Variants in HDAC9 observed in about 807,000 individuals in gnomAD.
HDAC9 encodes the protein MEF-2 interacting transcription repressor (MITR) protein.
HDAC9 carries 41 observed loss-of-function variants against 139.4 expected under a neutral mutation model. That is an observed-to-expected ratio of 0.29 (90% confidence interval 0.23 to 0.38). HDAC9 has a LOEUF of 0.38. Ranked by LOEUF, HDAC9 falls within the 10% of genes least tolerant of loss-of-function variation. The probability of loss-of-function intolerance (pLI) is 1.00; values close to 1 mark genes in which losing one functional copy is unlikely to be tolerated. For missense variants in HDAC9, 1,147 were observed against 1,297.0 expected (o/e 0.88, Z 1.78); for synonymous variants, 517 against 476.2 (o/e 1.09, Z -1.12).
intron 9 of HDAC9, among the ~76,000 whole-genome samples, chr7:18,647,315 G>T (rs1584554304): frequency 6.6e-6 from 1 of 152,064 alleles, no homozygotes; most frequent in Admixed American, 6.6e-5. Context: ...ACAACATAAT[G>T]ATTTGACATA....
At chr7:18,980,289 A>G (rs911444829) in intron 25 of HDAC9, among the ~76,000 whole-genome samples, 1 of 152,340 alleles carries the variant, frequency 6.6e-6, no homozygotes, top group Non-Finnish European at 1.5e-5. Flanking sequence ...CTTTGAAAAA[A>G]GAAACAAAAT....
At chr7:18,551,178 A>G (rs1209001525) in intron 2 of HDAC9, among the ~76,000 whole-genome samples, 1 of 152,178 alleles carries the variant, frequency 6.6e-6, no homozygotes, top group Non-Finnish European at 1.5e-5. Flanking sequence ...GTTGCCAACA[A>G]CCAATATGGA....
Position 18,443,376 on chromosome 7 carries a change from T to C in HDAC9, c.-41-52886T>C, listed in dbSNP as rs906103515. Among the ~76,000 whole-genome samples, 7 of 152,194 alleles carry C rather than the reference T, an allele frequency of 4.6e-5. 1 individual carries two copies. The highest frequency in any genetic ancestry group is 1.7e-4 in the African/African-American group (7 of 41,456). On this transcript the variant is annotated intron_variant, in intron 1 of 3. Transcript: ENST00000413509. ...AAAGAAGACCAATGGGTAAGTAGTCTCACCTCTCTTGTAAATACCAGATTG... is the reference window on the plus strand; with the variant it reads ...AAAGAAGACCAATGGGTAAGTAGTCCCACCTCTCTTGTAAATACCAGATTG...
chr7:18,590,501 G>A lies in HDAC9; in HGVS notation c.415+15G>A. On this transcript the variant is annotated intron_variant, in intron 4 of 25. Coordinates refer to ENST00000686413, the MANE Select transcript of HDAC9 (RefSeq NM_178425.4). ...AGGACGAGAAAGTAAGAGGCACCAG[G>A]GTAAACGATGGACTCTCTTTCCTCA... 4.4e-6 allele frequency: 7 copies of A among 1,582,996 alleles called. No individual in the cohort carries two copies. Among genetic ancestry groups the A allele is most frequent in the Non-Finnish European group, 6.0e-6 (7 of 1,164,340 alleles).
At chr7:18,285,454 A>G (rs964966895), upstream of HDAC9, among the ~76,000 whole-genome samples, 2 of 152,048 alleles carry the variant, frequency 1.3e-5, no homozygotes, top group African/African-American at 4.8e-5. Flanking sequence ...CACTATCCAC[A>G]TCCTTGATTT....
At chr7:18,852,564 A>T (rs928069761) in intron 21 of HDAC9, among the ~76,000 whole-genome samples, 3 of 152,196 alleles carry the variant, frequency 2.0e-5, no homozygotes, top group Admixed American at 6.5e-5. Flanking sequence ...GGACTTTGAA[A>T]ATTAAGATTC....
intron 1 of HDAC9, among the ~76,000 whole-genome samples, chr7:18,386,979 T>C (rs571176755): frequency 3.3e-5 from 5 of 152,306 alleles, no homozygotes; most frequent in African/African-American, 1.2e-4. Context: ...CATCAGTGTT[T>C]TTATGTCTTT....
At chr7:18,823,842 G>T (rs1795171416) in intron 17 of HDAC9, among the ~76,000 whole-genome samples, 2 of 151,826 alleles carry the variant, frequency 1.3e-5, no homozygotes, top group South Asian at 2.1e-4. Context: ...AGCCAGGTGT[G>T]GTGGTGTGTG....
At chr7:18,824,769 G>C (rs148332727) in intron 17 of HDAC9, among the ~76,000 whole-genome samples, 2 of 152,200 alleles carry the variant, frequency 1.3e-5, no homozygotes, top group Non-Finnish European at 2.9e-5. Flanking sequence ...TTTCGTCTGA[G>C]CACTCACAAA....
At chr7:18,908,872 G>A (rs1487174903) in intron 22 of HDAC9, among the ~76,000 whole-genome samples, 1 of 152,024 alleles carries the variant, frequency 6.6e-6, no homozygotes, top group Non-Finnish European at 1.5e-5. Context: ...AAATACAAAA[G>A]TGCAGATATT....
intron 2 of HDAC9, among the ~76,000 whole-genome samples, chr7:18,572,027 T>G (rs2128745612): frequency 6.6e-6 from 1 of 152,142 alleles, no homozygotes; most frequent in Non-Finnish European, 1.5e-5. Flanking sequence ...AAGCAAGAAT[T>G]CCTGATAGAA....
At chr7:18,857,323 AAT>A (rs763970161) in intron 21 of HDAC9, among the ~76,000 whole-genome samples, 6 of 127,878 alleles carry the variant, frequency 4.7e-5, no homozygotes, top group Non-Finnish European at 8.1e-5. Context: ...TGTTTCACAA[AAT>A]ATGTTTTAGT....
intron 1 of HDAC9, among the ~76,000 whole-genome samples, chr7:18,292,802 C>A: frequency 6.6e-6 from 1 of 152,182 alleles, no homozygotes; most frequent in South Asian, 2.1e-4. Context: ...GCTGAATCTT[C>A]TGGGAGGTGC....
intron 2 of HDAC9, among the ~76,000 whole-genome samples, chr7:18,516,965 A>C (rs1417438365): frequency 2.6e-5 from 4 of 152,182 alleles, no homozygotes; most frequent in Non-Finnish European, 5.9e-5. Context: ...TTATATAGAA[A>C]GATTACTTAA....
chr7:18,704,915 ATT>A (rs910966631), intron 12 of HDAC9, among the ~76,000 whole-genome samples: 20 of 152,322 alleles, frequency 1.3e-4, no homozygotes, highest in African/African-American at 4.6e-4. Flanking sequence ...GAAATGGAAT[ATT>A]TTGTTTTATT....
chr7:18,217,559 C>G (rs977708805), intron 2 of HDAC9, among the ~76,000 whole-genome samples: 2 of 152,014 alleles, frequency 1.3e-5, no homozygotes, highest in African/African-American at 4.8e-5. Context: ...TTTACTGTAA[C>G]TGGAACATTT....
intron 12 of HDAC9, among the ~76,000 whole-genome samples, chr7:18,693,264 C>G (rs1032601795): frequency 4.6e-5 from 7 of 151,954 alleles, no homozygotes; most frequent in African/African-American, 1.2e-4. Context: ...AGCATTATTT[C>G]TATTTAGCCT....
intron 1 of HDAC9, among the ~76,000 whole-genome samples, chr7:18,307,360 G>C (rs1798992541): frequency 6.6e-6 from 1 of 152,040 alleles, no homozygotes; most frequent in Admixed American, 6.5e-5. Flanking sequence ...GAATCATCTT[G>C]AACACATTGA....
intron 24 of HDAC9, among the ~76,000 whole-genome samples, chr7:18,965,577 AGAAAT>A (rs1200813887): frequency 6.6e-6 from 1 of 152,264 alleles, no homozygotes; most frequent in Non-Finnish European, 1.5e-5. Context: ...TGACGAGAAA[AGAAAT>A]GAAGTGTCAT....
Sources: gnomAD v4.1 joint callset for allele counts (sites outside exome capture counted in the v4.1 genomes callset) on GRCh38, gnomAD v4.1.1 for gene constraint, MANE v1.5 for transcripts, NCBI Gene and HGNC (gene_info 2026-07-23, HGNC 2026-07-21) for gene names.